TMEM132C: variants seen among roughly 807,000 people sequenced by gnomAD.
TMEM132C encodes protein phosphatase 1, regulatory subunit 152.
Under a neutral mutation model 61.4 loss-of-function variants are expected in TMEM132C, and 29 were observed. That is an observed-to-expected ratio of 0.47 (90% CI 0.35 to 0.64). The LOEUF is 0.64. TMEM132C is among the 30% of genes least tolerant of loss of function. The pLI is 0.00. For synonymous variants in TMEM132C, 656 were observed against 633.1 expected, an observed-to-expected ratio of 1.04 and a Z score of -0.54; for missense variants, 1,408 against 1,476.9, an observed-to-expected ratio of 0.95 and a Z score of 0.76.
intron 1 of TMEM132C, among the ~76,000 whole-genome samples, chr12:128,346,810 T>C (rs528953028): frequency 6.6e-6 from 1 of 152,126 alleles, no homozygotes; most frequent in Non-Finnish European, 1.5e-5. Flanking sequence ...AGTGCGAGGG[T>C]TTGTTTCTGG....
In TMEM132C at chr12:128,706,641, TAAAA is replaced by T. The variant is rs1213577235; in HGVS notation, c.*348_*351del. 5.2e-6 allele frequency: 1 copy of T among 190,612 alleles called. No individual in the cohort carries two copies. Among genetic ancestry groups the T allele is most frequent in the Non-Finnish European group, 1.1e-5 (1 of 94,036 alleles). The allele number at this position is 190,612 out of a possible 1,614,324, so 11.8% of individuals were successfully genotyped here. On this transcript the variant is annotated 3_prime_UTR_variant, in exon 9 of 9. Transcript: ENST00000435159. ...TTGTTAAAAAATGCAACAAGACAAATAAAAAGAGAAATAATCATCTGTTTATATT... is the reference window on the plus strand; with the variant it reads ...TTGTTAAAAAATGCAACAAGACAAATAGAGAAATAATCATCTGTTTATATT...
intron 2 of TMEM132C, among the ~76,000 whole-genome samples, chr12:128,533,855 T>C (rs2136138453): frequency 6.6e-6 from 1 of 152,090 alleles, no homozygotes; most frequent in East Asian, 1.9e-4. Context: ...GCAGACAGCC[T>C]TACAGGGCCC....
chr12:128,569,638 C>G (rs138066443), intron 3 of TMEM132C, among the ~76,000 whole-genome samples: 1 of 152,144 alleles, frequency 6.6e-6, no homozygotes, highest in African/African-American at 2.4e-5. Context: ...AGACAGAGCC[C>G]ACACTAGAGC....
At chr12:128,558,124 A>G (rs563938974) in intron 3 of TMEM132C, among the ~76,000 whole-genome samples, 220 of 152,248 alleles carry the variant, frequency 1.4e-3, no homozygotes, top group Non-Finnish European at 2.5e-3. Context: ...GCCCACCTGG[A>G]GTGTTAGTTG....
chr12:128,636,583 T>A, intron 4 of TMEM132C, among the ~76,000 whole-genome samples: 1 of 151,722 alleles, frequency 6.6e-6, no homozygotes, highest in East Asian at 1.9e-4. Context: ...TGTGTGTGTG[T>A]GTGTGTGTGT....
intron 1 of TMEM132C, among the ~76,000 whole-genome samples, chr12:128,276,962 A>G (rs773357518): frequency 6.6e-6 from 1 of 151,976 alleles, no homozygotes; most frequent in Non-Finnish European, 1.5e-5. Context: ...CAGCTTAGTG[A>G]TGATTTTAAG....
rs1319972517 is a variant in TMEM132C at position 128,639,010 on chromosome 12, ATGG to A, written c.1305+22681_1305+22683del. Reference sequence around the variant, plus strand: ...GGTGATGGTGATGGTGGTGATGATGATGGTGGTGATGGTGATGGTGGTGATGAT... The same window carrying A: ...GGTGATGGTGATGGTGGTGATGATGATGGTGATGGTGATGGTGGTGATGAT... On this transcript the variant is annotated intron_variant, in intron 4 of 8. Transcript: ENST00000435159. Among the ~76,000 whole-genome samples the A allele has an allele frequency of 7.4e-4, 58 of 78,404 alleles. No individual in the cohort carries two copies. In the East Asian group the frequency reaches 0.012, roughly 16 times the overall value. The allele number at this position is 78,404 out of a possible 152,430, so 51.4% of individuals were successfully genotyped here. A position where few individuals can be genotyped will look rare whatever the true frequency, so the allele number is the denominator to read the frequency against.
At position 128,535,658 on chromosome 12, in the gene TMEM132C, G is replaced by A. The variant is rs191214166; in HGVS notation, c.975-8299G>A. Among the ~76,000 whole-genome samples, 6 of 152,254 alleles carry A rather than the reference G, an allele frequency of 3.9e-5. No homozygotes were observed. In the East Asian group the frequency reaches 1.2e-3, roughly 29 times the overall value. ...CCGAAGCAGGCAGACCACGAAGTCA[G>A]GAGATCGAGACCATCTTAGCTAACA... On this transcript the variant is annotated intron_variant, in intron 2 of 8. Coordinates refer to ENST00000435159, the MANE Select transcript of TMEM132C (RefSeq NM_001136103.3).
In TMEM132C at chr12:128,669,355, G is replaced by T; in HGVS notation, c.1306-62G>T. The T allele has an allele frequency of 1.3e-6, 2 of 1,533,786 alleles. 1 individual carries two copies. The highest frequency in any genetic ancestry group is 2.5e-5 in the South Asian group (2 of 80,150). On this transcript the variant is annotated intron_variant, in intron 4 of 8. Transcript: ENST00000435159. Reference sequence around the variant, plus strand: ...ACCCTGGGAGATTCCCCCTAGAATTGTCCAGTTCCCAACAGAATGGAATAT... The same window carrying T: ...ACCCTGGGAGATTCCCCCTAGAATTTTCCAGTTCCCAACAGAATGGAATAT...
chr12:128,389,743 C>T (rs1593035963), intron 1 of TMEM132C, among the ~76,000 whole-genome samples: 1 of 152,202 alleles, frequency 6.6e-6, no homozygotes, highest in Non-Finnish European at 1.5e-5. Flanking sequence ...GGCAGGGGCA[C>T]ACTGAGTAGG....
At chr12:128,443,026 C>G (rs1042155570) in intron 2 of TMEM132C, among the ~76,000 whole-genome samples, 1 of 151,940 alleles carries the variant, frequency 6.6e-6, no homozygotes, top group Non-Finnish European at 1.5e-5. Context: ...TCAGGAGATG[C>G]ATGTGGAGTG....
intron 2 of TMEM132C, among the ~76,000 whole-genome samples, chr12:128,515,784 G>A (rs908552219): frequency 3.3e-5 from 5 of 151,816 alleles, no homozygotes; most frequent in African/African-American, 4.8e-5. Flanking sequence ...GCAGTGAGCC[G>A]AGATGGTGCC....
chr12:128,349,348 A>C (rs911665690), intron 1 of TMEM132C, among the ~76,000 whole-genome samples: 3 of 152,186 alleles, frequency 2.0e-5, no homozygotes, highest in East Asian at 3.9e-4. Context: ...CAAATGACCC[A>C]TGCTGCAGGG....
At chr12:128,511,957 G>T (rs1377864027) in intron 2 of TMEM132C, among the ~76,000 whole-genome samples, 3 of 152,120 alleles carry the variant, frequency 2.0e-5, no homozygotes, top group African/African-American at 7.2e-5. Context: ...TATCTGCCAA[G>T]ACCACCTCAG....
intron 7 of TMEM132C, among the ~76,000 whole-genome samples, 154 bp downstream of exon 7, chr12:128,696,257 G>GT (rs55939737): frequency 0.15 from 23,240 of 152,104 alleles, 2,232 homozygotes; most frequent in African/African-American, 0.26. Flanking sequence ...CTTGAGTCCA[G>GT]CTCCTTCCAA....
At chr12:128,293,641 A>G (rs933493887) in intron 1 of TMEM132C, among the ~76,000 whole-genome samples, 8 of 152,056 alleles carry the variant, frequency 5.3e-5, no homozygotes, top group African/African-American at 1.9e-4. Flanking sequence ...TGAACTCTTG[A>G]TCTCCACTTC....
rs1461284910 is a variant in TMEM132C at position 128,279,990 on chromosome 12, G to A, written c.85+12503G>A. Among the ~76,000 whole-genome samples the A allele has an allele frequency of 3.3e-5, 5 of 152,192 alleles. No individual in the cohort carries two copies. In the East Asian group the frequency reaches 5.8e-4, roughly 18 times the overall value. On this transcript the variant is annotated intron_variant, in intron 1 of 8. Coordinates refer to ENST00000435159, the MANE Select transcript of TMEM132C (RefSeq NM_001136103.3). Reference sequence around the variant, plus strand: ...CCGAATGCTTGATAAATGAATGAACGGACAAGTGAATAAATGACTTCAGTC... The same window carrying A: ...CCGAATGCTTGATAAATGAATGAACAGACAAGTGAATAAATGACTTCAGTC...
chr12:128,583,432 A>G (rs551553295), intron 3 of TMEM132C, among the ~76,000 whole-genome samples: 1 of 152,016 alleles, frequency 6.6e-6, no homozygotes, highest in Admixed American at 6.5e-5. Flanking sequence ...ATTTTGAGCT[A>G]AGTACTGAAG....
intron 2 of TMEM132C, among the ~76,000 whole-genome samples, chr12:128,436,562 T>C (rs1826464423): frequency 1.3e-5 from 2 of 152,288 alleles, no homozygotes; most frequent in South Asian, 2.1e-4. Flanking sequence ...TCATCACTGG[T>C]CATCAGAGAA....
Sources: allele counts gnomAD v4.1 joint callset (sites outside exome capture counted in the v4.1 genomes callset), GRCh38; gene constraint gnomAD v4.1.1; transcripts MANE v1.5; gene names NCBI Gene and HGNC (gene_info 2026-07-23, HGNC 2026-07-21).